CNTN3: variants seen among roughly 807,000 people sequenced by gnomAD.
The protein encoded by CNTN3 is contactin-3.
Under a neutral mutation model 119.1 loss-of-function variants are expected in CNTN3, and 60 were observed. The ratio of observed to expected loss-of-function variants is 0.50; its 90% CI spans 0.41 to 0.62. The LOEUF (loss-of-function observed/expected upper bound fraction) is 0.62, where lower values mean the gene tolerates loss of function less well. Ranked by LOEUF, CNTN3 falls within the 20% of genes least tolerant of loss-of-function variation. The pLI is 0.00. For synonymous variants in CNTN3, 450 were observed against 438.7 expected (o/e 1.03, Z -0.32); for missense variants, 1,101 against 1,242.4 (o/e 0.89, Z 1.71).
At chr3:74,566,523 A>G (rs1201315639) in intron 1 of CNTN3, among the ~76,000 whole-genome samples, 2 of 152,156 alleles carry the variant, frequency 1.3e-5, no homozygotes, top group East Asian at 3.9e-4. Flanking sequence ...CTTGCTCAGG[A>G]TTCTGTGCCT....
chr3:74,315,777 G>C (rs1178580271), intron 13 of CNTN3, among the ~76,000 whole-genome samples: 1 of 152,072 alleles, frequency 6.6e-6, no homozygotes, highest in Admixed American at 6.5e-5. Context: ...AATGAAGCTG[G>C]ACCCTTCCCT....
At chr3:74,551,754 C>CTTTTTTTTTTTTTTT (rs776621925) in intron 1 of CNTN3, among the ~76,000 whole-genome samples, 20 of 60,204 alleles carry the variant, frequency 3.3e-4, no homozygotes, top group Non-Finnish European at 5.3e-4. Flanking sequence ...TCTTCTTCTT[C>CTTTTTTTTTTTTTTT]TTTTTTTTTT....
intron 1 of CNTN3, among the ~76,000 whole-genome samples, chr3:74,612,907 T>G (rs1421019248): frequency 6.6e-6 from 1 of 152,320 alleles, no homozygotes; most frequent in East Asian, 1.9e-4. Flanking sequence ...ATGCACGTAT[T>G]AGGCATCTTA....
intron 11 of CNTN3, among the ~76,000 whole-genome samples, chr3:74,346,830 A>C (rs904062439): frequency 6.6e-6 from 1 of 152,092 alleles, no homozygotes; most frequent in African/African-American, 2.4e-5. Context: ...GAAGGGCTTC[A>C]GGGAGGGGGA....
intron 2 of CNTN3, among the ~76,000 whole-genome samples, chr3:74,509,221 G>A (rs932071876): frequency 6.6e-6 from 1 of 152,040 alleles, no homozygotes; most frequent in African/African-American, 2.4e-5. Context: ...TGGGATGCTA[G>A]GCCCAGTATT....
chr3:74,460,166 T>C (rs1247420732), intron 4 of CNTN3, among the ~76,000 whole-genome samples: 1 of 152,062 alleles, frequency 6.6e-6, no homozygotes, highest in African/African-American at 2.4e-5. Flanking sequence ...TGTAGCTAAA[T>C]AGTAATCCTT....
chr3:74,562,755 T>G (rs1704171893), intron 1 of CNTN3, among the ~76,000 whole-genome samples: 1 of 151,932 alleles, frequency 6.6e-6, no homozygotes, highest in African/African-American at 2.4e-5. Context: ...ACCTCTGACT[T>G]CCTCCCTGCT....
chr3:74,335,743 C>A (rs1188082431), intron 12 of CNTN3, among the ~76,000 whole-genome samples: 1 of 152,118 alleles, frequency 6.6e-6, no homozygotes, highest in East Asian at 1.9e-4. Flanking sequence ...CTTGCAGCCA[C>A]TCCACTTTTC....
In CNTN3 at chr3:74,401,797, C is replaced by T. The variant is rs572573237; in HGVS notation, c.454+23048G>A. On this transcript the variant is annotated intron_variant, in intron 5 of 22. Transcript: ENST00000263665. ...CTCCCCAGTCCTCACATTTCCCCCACTCTCACCTCTGCTACTCAGTGCATC... is the reference window on the plus strand; with the variant it reads ...CTCCCCAGTCCTCACATTTCCCCCATTCTCACCTCTGCTACTCAGTGCATC... 4.1e-4 allele frequency among the ~76,000 whole-genome samples: 62 copies of T among 152,280 alleles called. No individual in the cohort carries two copies. In the South Asian group the frequency reaches 0.013, roughly 31 times the overall value.
At chr3:74,422,159 C>CT (rs1701626057) in intron 5 of CNTN3, among the ~76,000 whole-genome samples, 1 of 152,202 alleles carries the variant, frequency 6.6e-6, no homozygotes, top group African/African-American at 2.4e-5. Context: ...CCTCAAGAAG[C>CT]TCATAAGCCA....
At chr3:74,408,527 G>A (rs1701379542) in intron 5 of CNTN3, among the ~76,000 whole-genome samples, 1 of 152,070 alleles carries the variant, frequency 6.6e-6, no homozygotes, top group Non-Finnish European at 1.5e-5. Flanking sequence ...ACATAATTGA[G>A]GCCTAAAACT....
chr3:74,270,368 G>T (rs115526394), intron 20 of CNTN3, among the ~76,000 whole-genome samples: 149 of 152,298 alleles, frequency 9.8e-4, no homozygotes, highest in African/African-American at 3.4e-3. Flanking sequence ...CCATGAGATT[G>T]CCAAGTCCCA....
intron 1 of CNTN3, among the ~76,000 whole-genome samples, chr3:74,568,082 C>T (rs1409942339): frequency 1.3e-5 from 2 of 152,140 alleles, no homozygotes; most frequent in Admixed American, 1.3e-4. Flanking sequence ...AAGTCATCAA[C>T]AGCAACTTTC....
intron 4 of CNTN3, among the ~76,000 whole-genome samples, chr3:74,451,085 C>T (rs1702145206): frequency 1.3e-5 from 2 of 152,226 alleles, no homozygotes; most frequent in South Asian, 4.2e-4. Context: ...TGAGGAATCG[C>T]CACACTGACT....
chr3:74,599,803 C>T (rs547355846), intron 1 of CNTN3, among the ~76,000 whole-genome samples: 9 of 152,156 alleles, frequency 5.9e-5, no homozygotes, highest in South Asian at 2.1e-4. Context: ...TGCACCCTCT[C>T]CCAGAGGTGA....
intron 1 of CNTN3, among the ~76,000 whole-genome samples, chr3:74,591,162 T>C (rs988233452): frequency 2.6e-5 from 4 of 152,104 alleles, no homozygotes; most frequent in South Asian, 2.1e-4. Context: ...ACTTTTATTA[T>C]ACTTAGGGCC....
At chr3:74,592,396 C>T (rs1704718042) in intron 1 of CNTN3, among the ~76,000 whole-genome samples, 1 of 151,752 alleles carries the variant, frequency 6.6e-6, no homozygotes, top group South Asian at 2.1e-4. Flanking sequence ...TAGACAGCAG[C>T]TTCAAATCAG....
intron 4 of CNTN3, among the ~76,000 whole-genome samples, chr3:74,480,536 T>C (rs1014575169): frequency 6.6e-6 from 1 of 151,966 alleles, no homozygotes; most frequent in Non-Finnish European, 1.5e-5. Context: ...AGGCAAGTTA[T>C]TCACACAAAT....
intron 4 of CNTN3, among the ~76,000 whole-genome samples, chr3:74,468,127 T>G (rs1014838251): frequency 1.3e-5 from 2 of 152,218 alleles, no homozygotes; most frequent in African/African-American, 2.4e-5. Flanking sequence ...GACTTAGGTC[T>G]TATAAAATCA....
Sources: allele counts gnomAD v4.1 joint callset (sites outside exome capture counted in the v4.1 genomes callset), GRCh38; gene constraint gnomAD v4.1.1; transcripts MANE v1.5; gene names NCBI Gene and HGNC (gene_info 2026-07-23, HGNC 2026-07-21).